SHISA9: variants seen among roughly 807,000 people sequenced by gnomAD.
The protein encoded by SHISA9 is protein shisa-9.
SHISA9 carries 13 observed loss-of-function variants against 38.0 expected under a neutral mutation model. The observed-to-expected ratio is 0.34, with a 90% CI of 0.22 to 0.54. SHISA9 has a LOEUF of 0.54. SHISA9 is among the 20% of genes least tolerant of loss of function. The pLI is 0.91. For missense variants in SHISA9, 538 were observed against 575.8 expected (o/e 0.93, Z 0.67); for synonymous variants, 275 against 242.0 (o/e 1.14, Z -1.27).
intron 2 of SHISA9, among the ~76,000 whole-genome samples, chr16:13,018,515 A>G (rs1288844995): frequency 2.6e-5 from 4 of 152,164 alleles, no homozygotes; most frequent in Non-Finnish European, 4.4e-5. Context: ...TTTGAGCAAG[A>G]TGTGGGAAGA....
At chr16:13,544,413 G>C in the SHISA9 span, among the ~76,000 whole-genome samples, 1 of 81,442 alleles carries the variant, frequency 1.2e-5, no homozygotes, top group East Asian at 9.0e-4. Context: ...TGTTTTTTCG[G>C]GTTTTTTTTT....
Position 13,168,471 on chromosome 16 carries a change from A to T in SHISA9, c.692-34923A>T, listed in dbSNP as rs545184156. On this transcript the variant is annotated intron_variant, in intron 2 of 4. Coordinates refer to ENST00000558583, the MANE Select transcript of SHISA9 (RefSeq NM_001145204.3). Reference sequence around the variant, plus strand: ...CTACCCTTACTCCATTGGCCAACATATAATCACATGGTCCATGTCTACCAG... The same window carrying T: ...CTACCCTTACTCCATTGGCCAACATTTAATCACATGGTCCATGTCTACCAG... 1.3e-4 allele frequency among the ~76,000 whole-genome samples: 20 copies of T among 152,308 alleles called. No individual in the cohort carries two copies. In the South Asian group the frequency reaches 3.3e-3, roughly 25 times the overall value.
chr16:13,282,172 T>C, the SHISA9 span, among the ~76,000 whole-genome samples: 1 of 152,000 alleles, frequency 6.6e-6, no homozygotes, highest in South Asian at 2.1e-4. Flanking sequence ...ACATTTCTTC[T>C]CATGCAGGCA....
the SHISA9 span, among the ~76,000 whole-genome samples, chr16:13,273,069 A>T: frequency 6.6e-6 from 1 of 152,166 alleles, no homozygotes. Flanking sequence ...ATTCATCAGA[A>T]TTGGTACATT....
At chr16:13,463,198 C>G in the SHISA9 span, among the ~76,000 whole-genome samples, 2 of 151,974 alleles carry the variant, frequency 1.3e-5, no homozygotes, top group African/African-American at 2.4e-5. Flanking sequence ...AGAAAGTTCA[C>G]TATAGCTTTC....
chr16:13,173,147 A>ACGAG (rs2050701405), intron 2 of SHISA9, among the ~76,000 whole-genome samples: 2 of 76,836 alleles, frequency 2.6e-5, no homozygotes, highest in East Asian at 1.0e-3. Flanking sequence ...GAAGAGATGC[A>ACGAG]CGTGCGCACA....
chr16:12,948,081 A>G (rs2071709713), intron 2 of SHISA9, among the ~76,000 whole-genome samples: 1 of 152,176 alleles, frequency 6.6e-6, no homozygotes, highest in African/African-American at 2.4e-5. Flanking sequence ...TGTGTGCCAA[A>G]CCAATTGTGT....
At chr16:13,136,039 G>C (rs1227491694) in intron 2 of SHISA9, among the ~76,000 whole-genome samples, 1 of 152,150 alleles carries the variant, frequency 6.6e-6, no homozygotes, top group Non-Finnish European at 1.5e-5. Context: ...AGTTCTCTAA[G>C]AATATCCACG....
intron 2 of SHISA9, among the ~76,000 whole-genome samples, chr16:13,120,277 T>C (rs1353517457): frequency 2.0e-5 from 3 of 152,196 alleles, no homozygotes; most frequent in Non-Finnish European, 2.9e-5. Flanking sequence ...CAGTGAAAGC[T>C]GATAGATTCC....
At chr16:13,379,673 G>C in the SHISA9 span, among the ~76,000 whole-genome samples, 1 of 152,174 alleles carries the variant, frequency 6.6e-6, no homozygotes, top group Admixed American at 6.5e-5. Flanking sequence ...GTAGGCACAT[G>C]GTATTTCGAA....
the SHISA9 span, among the ~76,000 whole-genome samples, chr16:13,294,781 G>A: frequency 1.8e-4 from 28 of 152,274 alleles, no homozygotes; most frequent in South Asian, 1.9e-3. Flanking sequence ...TACAATGAGC[G>A]AATTGAGTTG....
the SHISA9 span, among the ~76,000 whole-genome samples, chr16:13,499,183 G>T: frequency 1.3e-5 from 2 of 152,190 alleles, no homozygotes; most frequent in Non-Finnish European, 2.9e-5. Flanking sequence ...TTGACAGTTT[G>T]ATCTCCACCT....
the SHISA9 span, chr16:13,562,566 G>T: frequency 6.7e-6 from 1 of 148,656 alleles, no homozygotes; most frequent in Admixed American, 6.8e-5. Context: ...GGAGGCTGAG[G>T]TTACAGTGAG....
intron 2 of SHISA9, among the ~76,000 whole-genome samples, chr16:12,960,839 T>A (rs1473014603): frequency 6.6e-6 from 1 of 152,188 alleles, no homozygotes; most frequent in East Asian, 1.9e-4. Context: ...CAGCCCTGTT[T>A]TCCTTTCCTT....
intron 2 of SHISA9, among the ~76,000 whole-genome samples, chr16:13,027,314 C>A (rs377557689): frequency 1.3e-5 from 2 of 152,186 alleles, no homozygotes; most frequent in African/African-American, 4.8e-5. Context: ...TTTATTGGGT[C>A]ATGTAGCAAA....
chr16:13,550,338 A>G, the SHISA9 span, among the ~76,000 whole-genome samples: 1 of 152,182 alleles, frequency 6.6e-6, no homozygotes, highest in Non-Finnish European at 1.5e-5. Flanking sequence ...AGAAAGTTAA[A>G]CTAGATGATG....
At chr16:13,424,349 A>G in the SHISA9 span, among the ~76,000 whole-genome samples, 7 of 152,182 alleles carry the variant, frequency 4.6e-5, no homozygotes, top group African/African-American at 1.7e-4. Flanking sequence ...TGCTACTCCA[A>G]TGTTGCCCAC....
chr16:13,089,441 T>C (rs1170182695), intron 2 of SHISA9, among the ~76,000 whole-genome samples: 1 of 152,194 alleles, frequency 6.6e-6, no homozygotes, highest in Non-Finnish European at 1.5e-5. Context: ...TGGACTTTTT[T>C]TGGTTGGTAG....
At chr16:13,394,363 C>G in the SHISA9 span, among the ~76,000 whole-genome samples, 2 of 152,234 alleles carry the variant, frequency 1.3e-5, no homozygotes, top group Non-Finnish European at 2.9e-5. Flanking sequence ...GCTGCCAAAG[C>G]TGACTGATGA....
Sources: gnomAD v4.1 joint callset for allele counts (sites outside exome capture counted in the v4.1 genomes callset) on GRCh38, gnomAD v4.1.1 for gene constraint, MANE v1.5 for transcripts, NCBI Gene and HGNC (gene_info 2026-07-23, HGNC 2026-07-21) for gene names.